The following PTPRT variants were observed in gnomAD, a reference collection of about 807,000 sequenced individuals.
PTPRT encodes the protein protein tyrosine phosphatase receptor type T, also known as receptor-type tyrosine-protein phosphatase T.
Under a neutral mutation model 176.8 loss-of-function variants are expected in PTPRT, and 56 were observed. That is an observed-to-expected ratio of 0.32 (90% confidence interval 0.26 to 0.40). PTPRT has a LOEUF of 0.40. PTPRT is among the 10% of genes least tolerant of loss of function. PTPRT has a pLI of 1.00. For synonymous variants in PTPRT, 783 were observed against 739.0 expected (o/e 1.06, Z -0.96); for missense variants, 1,540 against 1,908.2 (o/e 0.81, Z 3.60).
rs775998497 is a variant in PTPRT at position 42,110,363 on chromosome 20, G to C, written c.3224C>G (p.Pro1075Arg). The C allele has an allele frequency of 6.2e-7, 1 of 1,611,534 alleles. No individual in the cohort carries two copies. Among genetic ancestry groups the C allele is most frequent in the Non-Finnish European group, 8.5e-7 (1 of 1,178,166 alleles). The change falls in exon 23 of 31, where the codon CCG becomes CGG. Residue 1075 changes from proline (P) to arginine (R), a missense_variant. Transcript: ENST00000373187. ...FVRQVKFLNP[P>R]EAGPIVVHCS... ...GTGGACCACTATGGGCCCAGCTTCC[G>C]GGGGGTTGAGGAACTTGACCTGGCG...
At chr20:42,397,225 C>A (rs6030208) in intron 9 of PTPRT, among the ~76,000 whole-genome samples, 26,401 of 152,160 alleles carry the variant, frequency 0.17, 4,725 homozygotes, top group African/African-American at 0.46. Context: ...TTAAAATGCA[C>A]ACAGGTTATA....
chr20:42,116,083 T>G, intron 21 of PTPRT: 1 of 724,340 alleles, frequency 1.4e-6, no homozygotes, highest in East Asian at 2.6e-5. Context: ...TTTCCCACAG[T>G]GTGTTCCGCT....
intron 1 of PTPRT, among the ~76,000 whole-genome samples, chr20:42,962,158 C>G (rs1164430888): frequency 6.6e-6 from 1 of 152,118 alleles, no homozygotes; most frequent in East Asian, 1.9e-4. Flanking sequence ...GTAATGTATC[C>G]AAAAGAAGAG....
At chr20:42,567,446 T>C (rs1435898323) in intron 7 of PTPRT, among the ~76,000 whole-genome samples, 2 of 152,222 alleles carry the variant, frequency 1.3e-5, no homozygotes, top group Non-Finnish European at 2.9e-5. Flanking sequence ...GACTTGGCTT[T>C]GACATTATCT....
intron 18 of PTPRT, among the ~76,000 whole-genome samples, chr20:42,140,089 TTTC>T (rs1251056422): frequency 1.6e-4 from 25 of 152,264 alleles, no homozygotes; most frequent in African/African-American, 5.5e-4. Flanking sequence ...CTTCTGCCTT[TTTC>T]TTCCTTTACA....
Position 42,885,849 on chromosome 20 carries a change from T to C in PTPRT, c.172A>G (p.Asn58Asp). 1 of 1,610,578 alleles carries C rather than the reference T, an allele frequency of 6.2e-7. No individual in the cohort carries two copies. Residue 58 changes from asparagine (N) to aspartate (D), a missense_variant, in exon 2 of 31, where the codon AAC (asparagine) becomes GAC (aspartate). Transcript: ENST00000373187. ...TCCAGCATTGGTTTCTCCCATGTGT[T>C]AATCTGCTCCCAGGTGAACCCATTG... ...GTNGFTWEQI[N>D]TWEKPMLDQA... is the part of the protein sequence containing the mutation.
At chr20:42,631,799 G>C (rs2074412867) in intron 7 of PTPRT, among the ~76,000 whole-genome samples, 1 of 152,142 alleles carries the variant, frequency 6.6e-6, no homozygotes, top group South Asian at 2.1e-4. Context: ...GCTTGTGCAA[G>C]GTTAACCCAG....
intron 2 of PTPRT, among the ~76,000 whole-genome samples, chr20:42,829,481 ACT>A (rs1400395992): frequency 6.6e-6 from 1 of 152,190 alleles, no homozygotes; most frequent in East Asian, 1.9e-4. Context: ...CAATCCCAGC[ACT>A]TTGAGAGGCC....
At chr20:42,277,146 C>A (rs896660810) in intron 13 of PTPRT, among the ~76,000 whole-genome samples, 5 of 152,166 alleles carry the variant, frequency 3.3e-5, no homozygotes, top group African/African-American at 9.7e-5. Flanking sequence ...GGCCCCTCAT[C>A]CTATGCTTCA....
chr20:43,159,656 G>C (rs2014633017), intron 1 of PTPRT, among the ~76,000 whole-genome samples: 1 of 152,142 alleles, frequency 6.6e-6, no homozygotes, highest in South Asian at 2.1e-4. Flanking sequence ...AGGGCACTTT[G>C]TGTTTTACAA....
At chr20:43,106,816 G>C (rs1160097541) in intron 1 of PTPRT, among the ~76,000 whole-genome samples, 1 of 151,764 alleles carries the variant, frequency 6.6e-6, no homozygotes, top group Non-Finnish European at 1.5e-5. Flanking sequence ...TTGAAACGGA[G>C]TTTCGCTCTT....
chr20:42,697,109 G>A (rs750633213), intron 6 of PTPRT, among the ~76,000 whole-genome samples: 11 of 151,884 alleles, frequency 7.2e-5, no homozygotes, highest in South Asian at 2.1e-4. Flanking sequence ...AGGTACAAGC[G>A]GATGCACCAG....
At chr20:42,740,350 C>A (rs1462826937) in intron 6 of PTPRT, among the ~76,000 whole-genome samples, 1 of 152,174 alleles carries the variant, frequency 6.6e-6, no homozygotes, top group Non-Finnish European at 1.5e-5. Context: ...CGTGGGCCAA[C>A]AACCTTCCTC....
chr20:42,421,435 G>A (rs892112924), intron 9 of PTPRT, among the ~76,000 whole-genome samples: 2 of 152,108 alleles, frequency 1.3e-5, no homozygotes, highest in Admixed American at 6.6e-5. Context: ...TCACAGTCAG[G>A]ACAAGAAACC....
intron 27 of PTPRT, among the ~76,000 whole-genome samples, chr20:42,095,821 A>G (rs1985151130): frequency 6.6e-6 from 1 of 152,162 alleles, no homozygotes. Flanking sequence ...GCTTCCAGCA[A>G]ATAGCAGATG....
chr20:42,678,285 T>C (rs2075544187), intron 6 of PTPRT, 126 bp from the exon 7 acceptor site: 2 of 852,912 alleles, frequency 2.3e-6, no homozygotes, highest in Non-Finnish European at 3.4e-6. Flanking sequence ...AAACCCCTTT[T>C]TGTTTTATTT....
At chr20:42,201,158 A>T (rs1420569990) in intron 15 of PTPRT, among the ~76,000 whole-genome samples, 1 of 152,168 alleles carries the variant, frequency 6.6e-6, no homozygotes, top group African/African-American at 2.4e-5. Flanking sequence ...TACAAAAATT[A>T]GCCAGGTGTG....
At chr20:42,994,546 T>C (rs1031155090) in intron 1 of PTPRT, among the ~76,000 whole-genome samples, 22 of 152,044 alleles carry the variant, frequency 1.4e-4, no homozygotes, top group Admixed American at 1.1e-3. Flanking sequence ...GGCTGTCTCA[T>C]ACCTTAGAGA....
intron 1 of PTPRT, among the ~76,000 whole-genome samples, chr20:42,979,982 AGGG>A (rs1180055689): frequency 2.4e-3 from 23 of 9,474 alleles, no homozygotes; most frequent in Non-Finnish European, 4.4e-3. Flanking sequence ...CCGGCCGGGA[AGGG>A]GGGGTGGGGG....
Sources: allele counts gnomAD v4.1 joint callset (sites outside exome capture counted in the v4.1 genomes callset), GRCh38; gene constraint gnomAD v4.1.1; transcripts MANE v1.5; gene names NCBI Gene and HGNC (gene_info 2026-07-23, HGNC 2026-07-21).